Variants in DCX observed in about 807,000 individuals in gnomAD.
DCX encodes doublecortin.
In DCX, 4 loss-of-function variants were observed where a neutral mutation model predicts 20.9. That is an observed-to-expected ratio of 0.19 (90% CI 0.09 to 0.44). The LOEUF (loss-of-function observed/expected upper bound fraction) is 0.44. Among genes scored for constraint, DCX ranks in the 20% least tolerant of loss-of-function variants. The probability of loss-of-function intolerance (pLI) is 0.99; values close to 1 mark genes in which losing one functional copy is unlikely to be tolerated. For missense variants in DCX, 133 were observed against 296.9 expected, an observed-to-expected ratio of 0.45 and a Z score of 4.06; for synonymous variants, 103 against 111.4, an observed-to-expected ratio of 0.92 and a Z score of 0.47.
intron 3 of DCX, among the ~76,000 whole-genome samples, chrX:111,345,119 C>G (rs898302105): frequency 9.0e-6 from 1 of 111,715 alleles, no homozygotes; most frequent in African/African-American, 3.3e-5. Flanking sequence ...TTCGACAAAC[C>G]TGACAAAAAC....
In DCX at chrX:111,301,297, T is replaced by C. The variant is rs1161737282; in HGVS notation, c.*390A>G. The stretch of plus-strand genomic sequence containing the variant: ...TGGATCTGCCAATGAGTTTTTTTTT[T>C]CCCACACAAACATTTTAAGTGCTGT... On this transcript the variant is annotated 3_prime_UTR_variant, in exon 7 of 7. Transcript: ENST00000636035. 2.5e-5 allele frequency: 4 copies of C among 161,516 alleles called. No individual in the cohort carries two copies. Among genetic ancestry groups the C allele is most frequent in the South Asian group, 1.6e-4 (1 of 6,285 alleles). The allele number at this position is 161,516 out of a possible 1,213,427, so 13.3% of individuals were successfully genotyped here. A position where few individuals can be genotyped will look rare whatever the true frequency, so the allele number is the denominator to read the frequency against.
intron 3 of DCX, among the ~76,000 whole-genome samples, chrX:111,336,376 C>T (rs1330081726): frequency 2.7e-5 from 3 of 112,461 alleles, no homozygotes; most frequent in African/African-American, 9.7e-5. Context: ...GTGTGGCTGG[C>T]TTCAAACACA....
intron 2 of DCX, among the ~76,000 whole-genome samples, chrX:111,405,681 T>TA (rs999778746): frequency 1.3e-4 from 14 of 109,160 alleles, no homozygotes; most frequent in East Asian, 2.8e-4. Flanking sequence ...AGAAAGATTC[T>TA]AAAAAAAATA....
chrX:111,312,790 G>A, intron 5 of DCX, 54 bp from the exon 6 acceptor site: 3 of 1,106,968 alleles, frequency 2.7e-6, no homozygotes, highest in Non-Finnish European at 3.7e-6. Context: ...ATACAAAGGA[G>A]CAAGTTATCC....
chrX:111,400,645 C>T (rs1295849463), intron 3 of DCX, among the ~76,000 whole-genome samples: 4 of 112,128 alleles, frequency 3.6e-5, no homozygotes, highest in African/African-American at 1.3e-4. Flanking sequence ...TTTTCAGTCA[C>T]ATGTATTGAA....
At chrX:111,343,170 C>T (rs572377700) in intron 3 of DCX, among the ~76,000 whole-genome samples, 1 of 96,242 alleles carries the variant, frequency 1.0e-5, no homozygotes, top group Non-Finnish European at 2.1e-5. Context: ...AATAGATAAA[C>T]AGCTAGCTAG....
At chrX:111,365,397 G>T in intron 3 of DCX, among the ~76,000 whole-genome samples, 1 of 110,024 alleles carries the variant, frequency 9.1e-6, no homozygotes, top group East Asian at 2.8e-4. Flanking sequence ...GGGTACATGA[G>T]ATGCTCTGAT....
rs776097152 is a variant in DCX, at chrX:111,321,085, A to T, written c.947-8349T>A. On this transcript the variant is annotated intron_variant, in intron 5 of 6. Transcript: ENST00000636035. ...GAAAAGAGAAAGTAATGAAAAGAAG[A>T]TAGACACCAGAGCTGACACCCATCT... 6.2e-5 allele frequency among the ~76,000 whole-genome samples: 7 copies of T among 112,026 alleles called. No individual in the cohort carries two copies. The East Asian group carries it at 2.0e-3, about 32-fold the overall frequency.
rs182326728 is a variant in DCX, at chrX:111,315,221, C to T, written c.947-2485G>A. Among the ~76,000 whole-genome samples, 126 of 104,204 alleles carry T rather than the reference C, an allele frequency of 1.2e-3. 4 individuals are homozygous for T. The East Asian group carries it at 0.033, about 27-fold the overall frequency. 90.5% of individuals were successfully genotyped at this position (104,204 alleles called of 115,157 possible). ...ATCCAGAATCTACAATGAACTCAAACAAATTTACAAGAAAAAAACAAACAA... is the reference window on the plus strand; with the variant it reads ...ATCCAGAATCTACAATGAACTCAAATAAATTTACAAGAAAAAAACAAACAA... On this transcript the variant is annotated intron_variant, in intron 5 of 6. Transcript: ENST00000636035.
intron 5 of DCX, among the ~76,000 whole-genome samples, chrX:111,313,867 T>A (rs1354607483): frequency 2.5e-5 from 2 of 80,787 alleles, no homozygotes; most frequent in African/African-American, 1.0e-4. Context: ...CCTGAGGGTG[T>A]GTGGAGAGTG....
At chrX:111,385,718 CAAGG>C (rs200945198) in intron 3 of DCX, among the ~76,000 whole-genome samples, 250 of 82,011 alleles carry the variant, frequency 3.0e-3, no homozygotes, top group Middle Eastern at 0.013. Context: ...AGCAAGAAAG[CAAGG>C]AAGGAAGGAA....
intron 3 of DCX, among the ~76,000 whole-genome samples, chrX:111,363,167 A>G (rs968715886): frequency 9.0e-6 from 1 of 111,040 alleles, no homozygotes. Flanking sequence ...GGGCAGGAAG[A>G]GCCTAACCTG....
At chrX:111,369,959 T>G (rs1924943547) in intron 3 of DCX, among the ~76,000 whole-genome samples, 3 of 111,730 alleles carry the variant, frequency 2.7e-5, no homozygotes, top group African/African-American at 9.8e-5. Flanking sequence ...TCATCTACTT[T>G]GAGCCAGGCA....
chrX:111,377,364 T>C (rs1181757838), intron 3 of DCX, among the ~76,000 whole-genome samples: 1 of 111,690 alleles, frequency 9.0e-6, no homozygotes, highest in African/African-American at 3.3e-5. Flanking sequence ...TGCTGAGAAA[T>C]TGTTACCTAG....
chrX:111,409,270 G>A (rs1458603202), intron 2 of DCX, among the ~76,000 whole-genome samples: 1 of 111,807 alleles, frequency 8.9e-6, no homozygotes, highest in Admixed American at 9.4e-5. Flanking sequence ...GTTCTGGTAA[G>A]AGGTAGGATT....
intron 3 of DCX, among the ~76,000 whole-genome samples, chrX:111,399,173 T>C (rs762124465): frequency 2.7e-5 from 3 of 111,260 alleles, no homozygotes; most frequent in East Asian, 5.7e-4. Flanking sequence ...TATTAATATA[T>C]GAAAATTGCC....
rs587783531 is a variant in DCX, at chrX:111,410,204, G to A, written c.195C>T (p.Phe65=). 1 of 1,209,713 alleles carries A rather than the reference G, an allele frequency of 8.3e-7. No homozygotes were observed. Among genetic ancestry groups the A allele is most frequent in the African/African-American group, 1.8e-5 (1 of 57,043 alleles). Residue 65 remains phenylalanine (F), a synonymous_variant, in exon 2 of 7, where the codon TTC becomes TTT. Coordinates refer to ENST00000636035, the MANE Select transcript of DCX (RefSeq NM_001195553.2). The part of the protein sequence containing the change: ...VRFYRNGDRY[F]KGIVYAVSSD... ...AGGACACAGCGTACACAATCCCCTT[G>A]AAGTAGCGGTCCCCATTGCGGTAGA...
chrX:111,326,057 C>A (rs930503073), intron 5 of DCX, among the ~76,000 whole-genome samples: 1 of 111,413 alleles, frequency 9.0e-6, no homozygotes, highest in Non-Finnish European at 1.9e-5. Flanking sequence ...GTCCCTTGAC[C>A]TCCCCTTCTA....
chrX:111,300,666 G>GA lies in DCX; in HGVS notation c.*1020dup, dbSNP rs1446188732. 2.0e-5 allele frequency: 2 copies of GA among 99,430 alleles called. No individual in the cohort carries two copies. Among genetic ancestry groups the GA allele is most frequent in the African/African-American group, 7.4e-5 (2 of 26,990 alleles). 8.2% of individuals were successfully genotyped at this position (99,430 alleles called of 1,213,427 possible). ...TTCTTCATGTGTTTTTTAGACAAAA[G>GA]AAAAATCACCAGTTTATAAAAAAGG... On this transcript the variant is annotated 3_prime_UTR_variant, in exon 7 of 7. Transcript: ENST00000636035.
Sources: gnomAD v4.1 joint callset for allele counts (sites outside exome capture counted in the v4.1 genomes callset) on GRCh38, gnomAD v4.1.1 for gene constraint, MANE v1.5 for transcripts, NCBI Gene and HGNC (gene_info 2026-07-23, HGNC 2026-07-21) for gene names.